The following SYNGR1 variants were observed in gnomAD, a reference collection of about 807,000 sequenced individuals.
SYNGR1 encodes the protein synaptogyrin 1.
SYNGR1 carries 14 observed loss-of-function variants against 26.1 expected under a neutral mutation model. The ratio of observed to expected loss-of-function variants is 0.54; its 90% CI spans 0.35 to 0.84. The LOEUF is 0.84. Among genes scored for constraint, SYNGR1 ranks in the 40% least tolerant of loss-of-function variants. The probability of loss-of-function intolerance (pLI) is 0.01; values close to 1 mark genes in which losing one functional copy is unlikely to be tolerated. For synonymous variants in SYNGR1, 141 were observed against 150.1 expected, an observed-to-expected ratio of 0.94 and a Z score of 0.44; for missense variants, 319 against 332.9, an observed-to-expected ratio of 0.96 and a Z score of 0.33.
intron 3 of SYNGR1, chr22:39,377,509 G>A: frequency 6.4e-7 from 1 of 1,557,858 alleles, no homozygotes; most frequent in South Asian, 1.2e-5. Context: ...CTGACCAACA[G>A]GTGCCTGCCC....
chr22:39,368,811 C>T (rs1016538302), intron 1 of SYNGR1, among the ~76,000 whole-genome samples: 16 of 152,200 alleles, frequency 1.1e-4, no homozygotes, highest in Admixed American at 7.9e-4. Context: ...CTCCAGCCCC[C>T]GGAAGCATGT....
chr22:39,382,308 G>GTGGGAAAGACAGATCCAGATAATGC lies in SYNGR1; in HGVS notation c.*401_*425dup. 3.0e-6 allele frequency: 1 copy of GTGGGAAAGACAGATCCAGATAATGC among 333,932 alleles called. No individual in the cohort carries two copies. Among genetic ancestry groups the GTGGGAAAGACAGATCCAGATAATGC allele is most frequent in the South Asian group, 3.2e-5 (1 of 31,720 alleles). The allele number at this position is 333,932 out of a possible 1,614,324, so 20.7% of individuals were successfully genotyped here. A position where few individuals can be genotyped will look rare whatever the true frequency, so the allele number is the denominator to read the frequency against. On this transcript the variant is annotated 3_prime_UTR_variant, in exon 4 of 4. Transcript: ENST00000328933. The stretch of plus-strand genomic sequence containing the variant: ...CCTGGTGGTACCAGAGGCCAGAATG[G>GTGGGAAAGACAGATCCAGATAATGC]TGGGAAAGACAGATCCAGATAATGC...
chr22:39,361,988 C>G (rs1177454111), intron 1 of SYNGR1, among the ~76,000 whole-genome samples: 1 of 148,974 alleles, frequency 6.7e-6, no homozygotes, highest in East Asian at 2.0e-4. Context: ...TGAGCCCTCT[C>G]TGGGTCTTTG....
chr22:39,368,073 T>TC (rs1008881044), intron 1 of SYNGR1, among the ~76,000 whole-genome samples: 6 of 152,190 alleles, frequency 3.9e-5, no homozygotes, highest in Non-Finnish European at 7.3e-5. Flanking sequence ...AGGGCCCTTT[T>TC]CCCTGGCCAT....
chr22:39,351,198 C>T (rs1180618019), intron 1 of SYNGR1, among the ~76,000 whole-genome samples: 1 of 152,168 alleles, frequency 6.6e-6, no homozygotes, highest in East Asian at 1.9e-4. Flanking sequence ...TCCTTGTGGG[C>T]TTAGACTAGG....
chr22:39,372,833 G>A (rs1205439253), intron 1 of SYNGR1, among the ~76,000 whole-genome samples: 1 of 152,036 alleles, frequency 6.6e-6, no homozygotes, highest in Non-Finnish European at 1.5e-5. Flanking sequence ...TGTGGGTGTT[G>A]GACTGAGGGG....
intron 1 of SYNGR1, among the ~76,000 whole-genome samples, chr22:39,358,421 T>C (rs972114484): frequency 2.0e-5 from 3 of 152,192 alleles, no homozygotes; most frequent in African/African-American, 7.2e-5. Context: ...GCTTTGTTCG[T>C]CTGCTCGTTG....
chr22:39,381,415 G>C (rs1601669359), intron 3 of SYNGR1, among the ~76,000 whole-genome samples: 1 of 152,132 alleles, frequency 6.6e-6, no homozygotes, highest in Non-Finnish European at 1.5e-5. Context: ...TAGAACTTTT[G>C]GTAGCCCAGA....
rs1412506462 is a variant in SYNGR1 at position 39,377,599 on chromosome 22, G to GCCTGACCGCAGC, written c.483+1407_483+1418dup. On this transcript the variant is annotated intron_variant, in intron 3 of 3. Coordinates refer to ENST00000328933, the MANE Select transcript of SYNGR1 (RefSeq NM_004711.5). ...CTCACCCCTACTCTCTCCTGGCAGAGCCTGACCGCAGCCCTGGCCGTGCGG... is the reference window on the plus strand; with the variant it reads ...CTCACCCCTACTCTCTCCTGGCAGAGCCTGACCGCAGCCCTGACCGCAGCCCTGGCCGTGCGG... 1.9e-6 allele frequency: 3 copies of GCCTGACCGCAGC among 1,613,684 alleles called. No individual in the cohort carries two copies. In the African/African-American group the frequency reaches 4.0e-5, roughly 22 times the overall value.
rs766598327 is a variant in SYNGR1, at chr22:39,377,734, G to A, written c.483+1537G>A. 8.1e-6 allele frequency: 13 copies of A among 1,603,814 alleles called. No individual in the cohort carries two copies. The East Asian group carries it at 2.9e-4, about 36-fold the overall frequency. On this transcript the variant is annotated intron_variant, in intron 3 of 3. Transcript: ENST00000328933. ...GGCCGGCAGCCCTGTATCACCCCTG[G>A]CAGTGAGGTGGCAGGAGCAGCCTAG...
At chr22:39,374,700 T>C in intron 2 of SYNGR1, 147 bp downstream of exon 2, 1 of 860,132 alleles carries the variant, frequency 1.2e-6, no homozygotes, top group East Asian at 2.6e-5. Flanking sequence ...GTCACATGGC[T>C]GGCAGCAGGA....
chr22:39,351,967 C>T (rs1448404600), intron 1 of SYNGR1, among the ~76,000 whole-genome samples: 2 of 152,226 alleles, frequency 1.3e-5, no homozygotes, highest in Non-Finnish European at 2.9e-5. Flanking sequence ...GAAGGATCAG[C>T]CCCTCTGAGC....
intron 1 of SYNGR1, among the ~76,000 whole-genome samples, chr22:39,360,365 C>T (rs892248641): frequency 6.6e-6 from 1 of 152,182 alleles, no homozygotes; most frequent in Admixed American, 6.5e-5. Flanking sequence ...GAGTTGTCAC[C>T]GTCTCCAGGG....
chr22:39,381,956 C>T lies in SYNGR1; in HGVS notation c.*42C>T, dbSNP rs925754376. ...GCCCCCGCCCCTCCCCATCTGTCCC[C>T]TCTCTCCACACCCAGCCCCTGCTCC... On this transcript the variant is annotated 3_prime_UTR_variant, in exon 4 of 4. Transcript: ENST00000328933. 1.9e-6 allele frequency: 3 copies of T among 1,552,750 alleles called. No individual in the cohort carries two copies. The highest frequency in any genetic ancestry group is 1.4e-5 in the African/African-American group (1 of 73,494).
chr22:39,378,436 CTACTT>C, intron 3 of SYNGR1: 3 of 984,778 alleles, frequency 3.0e-6, no homozygotes, highest in Non-Finnish European at 3.6e-6. Flanking sequence ...TCCAGAATCT[CTACTT>C]TAAGAGTAAT....
At chr22:39,376,338 C>A (rs1339818497) in intron 3 of SYNGR1, 141 bp downstream of exon 3, 2 of 1,406,928 alleles carry the variant, frequency 1.4e-6, no homozygotes, top group Admixed American at 1.7e-5. Context: ...GCCTGCCTGT[C>A]TGCGGCGCTC....
At chr22:39,368,390 A>G (rs1018951871) in intron 1 of SYNGR1, among the ~76,000 whole-genome samples, 10 of 151,854 alleles carry the variant, frequency 6.6e-5, no homozygotes, top group Admixed American at 5.2e-4. Context: ...TCCCCACACA[A>G]TCGGCTCCCA....
At chr22:39,364,318 G>A (rs1182151579) in intron 1 of SYNGR1, 1 of 1,613,856 alleles carries the variant, frequency 6.2e-7, no homozygotes, top group Non-Finnish European at 8.5e-7. Flanking sequence ...ATCTGCTGTG[G>A]GTCAGCGAGA....
chr22:39,359,594 G>A (rs1601652693), intron 1 of SYNGR1, among the ~76,000 whole-genome samples: 4 of 141,448 alleles, frequency 2.8e-5, no homozygotes, highest in Admixed American at 7.6e-5. Flanking sequence ...TCGCGCCACC[G>A]CACTCCAGCC....
Sources: allele counts gnomAD v4.1 joint callset (sites outside exome capture counted in the v4.1 genomes callset), GRCh38; gene constraint gnomAD v4.1.1; transcripts MANE v1.5; gene names NCBI Gene and HGNC (gene_info 2026-07-23, HGNC 2026-07-21).